Variants in BBS9 observed in about 807,000 individuals in gnomAD.
BBS9 encodes the protein Bardet-Biedl syndrome 9.
A neutral mutation model predicts 117.7 loss-of-function variants in BBS9; 89 were observed. The ratio of observed to expected loss-of-function variants is 0.76; its 90% CI spans 0.64 to 0.90. BBS9 has a LOEUF of 0.90. Among genes scored for constraint, BBS9 ranks in the 40% least tolerant of loss-of-function variants. The probability of loss-of-function intolerance (pLI) is 0.00; values close to 1 mark genes in which losing one functional copy is unlikely to be tolerated. For synonymous variants in BBS9, 379 were observed against 370.9 expected, an observed-to-expected ratio of 1.02 and a Z score of -0.25; for missense variants, 982 against 1,042.2, an observed-to-expected ratio of 0.94 and a Z score of 0.80.
rs1554333529 is a variant in BBS9, at chr7:33,184,097, C to CACAG, written c.442+6507_442+6508insCAGA. On this transcript the variant is annotated intron_variant, in intron 5 of 22. Coordinates refer to ENST00000242067, the MANE Select transcript of BBS9 (RefSeq NM_198428.3). ...ACCACACCTATAAGCAGTTTGCACA[C>CACAG]AGAGAGAGAGAGAGAGAGAGAGAGT... Among the ~76,000 whole-genome samples, 17 of 149,454 alleles carry CACAG rather than the reference C, an allele frequency of 1.1e-4. 1 individual carries two copies. Among genetic ancestry groups the CACAG allele is most frequent in the Admixed American group, 1.3e-4 (2 of 14,946 alleles).
intron 20 of BBS9, among the ~76,000 whole-genome samples, chr7:33,509,676 G>A (rs915731452): frequency 3.3e-5 from 5 of 152,122 alleles, no homozygotes; most frequent in Admixed American, 3.3e-4. Context: ...TTTTGTTTAT[G>A]TTTCAGACAG....
At chr7:33,198,101 T>A (rs1785230339) in intron 5 of BBS9, among the ~76,000 whole-genome samples, 1 of 152,130 alleles carries the variant, frequency 6.6e-6, no homozygotes, top group East Asian at 1.9e-4. Context: ...AGCTGGATTT[T>A]AAAATCAAAT....
intron 21 of BBS9, among the ~76,000 whole-genome samples, chr7:33,617,325 A>G (rs1400757893): frequency 6.6e-6 from 1 of 152,138 alleles, no homozygotes; most frequent in Non-Finnish European, 1.5e-5. Context: ...AGAAAGCAGA[A>G]GTCAATGTAT....
At chr7:33,385,167 T>G (rs1825790016) in intron 18 of BBS9, among the ~76,000 whole-genome samples, 1 of 152,212 alleles carries the variant, frequency 6.6e-6, no homozygotes, top group Non-Finnish European at 1.5e-5. Flanking sequence ...ACTAATAAGT[T>G]TGACATATAA....
At chr7:33,166,464 G>A (rs1429675045) in intron 4 of BBS9, among the ~76,000 whole-genome samples, 1 of 152,280 alleles carries the variant, frequency 6.6e-6, no homozygotes, top group Non-Finnish European at 1.5e-5. Context: ...TGCCTCCAGA[G>A]GTGGAGTCTA....
intron 7 of BBS9, 97 bp downstream of exon 7, chr7:33,264,471 T>C (rs1390357428): frequency 1.3e-6 from 1 of 746,646 alleles, no homozygotes; most frequent in East Asian, 3.0e-5. Context: ...TGTAAAAAAA[T>C]ATGTCAGCCA....
At chr7:33,418,966 T>C (rs192749544) in intron 19 of BBS9, among the ~76,000 whole-genome samples, 1 of 152,316 alleles carries the variant, frequency 6.6e-6, no homozygotes, top group Admixed American at 6.5e-5. Flanking sequence ...TACCTTTCAG[T>C]GTTACTTTTA....
Position 33,409,730 on chromosome 7 carries a change from T to C in BBS9, c.2115+21586T>C, listed in dbSNP as rs531211988. On this transcript the variant is annotated intron_variant, in intron 19 of 22. Transcript: ENST00000242067. ...CTAGTAGGTGTGTAGTGGTAGCTCATTGTGGTTTTATTTTGCATTTTCCTA... is the reference window on the plus strand; with the variant it reads ...CTAGTAGGTGTGTAGTGGTAGCTCACTGTGGTTTTATTTTGCATTTTCCTA... 2.6e-5 allele frequency among the ~76,000 whole-genome samples: 4 copies of C among 152,364 alleles called. No homozygotes were observed. In the South Asian group the frequency reaches 8.3e-4, roughly 32 times the overall value.
At chr7:33,627,580 A>G (rs1444185447) in intron 21 of BBS9, among the ~76,000 whole-genome samples, 1 of 152,220 alleles carries the variant, frequency 6.6e-6, no homozygotes, top group Admixed American at 6.5e-5. Flanking sequence ...CAGCCCGTGA[A>G]AGCAGCCAAG....
chr7:33,506,837 A>G (rs992100540), intron 20 of BBS9, among the ~76,000 whole-genome samples: 3 of 152,222 alleles, frequency 2.0e-5, no homozygotes, highest in Non-Finnish European at 4.4e-5. Flanking sequence ...TGATTGACAA[A>G]ATTGCGACTA....
intron 19 of BBS9, among the ~76,000 whole-genome samples, chr7:33,466,847 G>A (rs1020581885): frequency 6.6e-6 from 1 of 152,118 alleles, no homozygotes; most frequent in Admixed American, 6.6e-5. Flanking sequence ...TTTGTCACAA[G>A]CATGGGTTTA....
At chr7:33,367,894 A>C in intron 17 of BBS9, 32 bp downstream of exon 17, 1 of 1,577,720 alleles carries the variant, frequency 6.3e-7, no homozygotes, top group Non-Finnish European at 8.7e-7. Context: ...TTGCTTTTTA[A>C]ATTTTTTTCT....
intron 5 of BBS9, among the ~76,000 whole-genome samples, chr7:33,255,479 A>G (rs1384600283): frequency 1.4e-4 from 21 of 151,978 alleles, no homozygotes; most frequent in Admixed American, 1.4e-3. Flanking sequence ...CTCTTATACA[A>G]ATATACTCAT....
chr7:33,389,687 T>TAAAAAAAAAAAA (rs5883400), intron 19 of BBS9, among the ~76,000 whole-genome samples: 1 of 91,962 alleles, frequency 1.1e-5, no homozygotes, highest in African/African-American at 4.5e-5. Flanking sequence ...AGACTCCATC[T>TAAAAAAAAAAAA]AAAAAAAAAA....
At chr7:33,533,826 C>T in intron 20 of BBS9, 128 bp from the exon 21 acceptor site, 1 of 1,126,770 alleles carries the variant, frequency 8.9e-7, no homozygotes. Context: ...TGGAATATTC[C>T]AGATACCACA....
intron 5 of BBS9, among the ~76,000 whole-genome samples, chr7:33,201,160 G>A (rs190866842): frequency 6.6e-6 from 1 of 152,110 alleles, no homozygotes; most frequent in Non-Finnish European, 1.5e-5. Flanking sequence ...GACCTGGGTG[G>A]GGAAGGAGGT....
chr7:33,403,316 T>A (rs955625639), intron 19 of BBS9, among the ~76,000 whole-genome samples: 7 of 151,498 alleles, frequency 4.6e-5, no homozygotes, highest in East Asian at 3.9e-4. Flanking sequence ...TATTTTTTTT[T>A]ATTTTATTAT....
At chr7:33,415,654 A>G (rs1831876422) in intron 19 of BBS9, among the ~76,000 whole-genome samples, 1 of 152,076 alleles carries the variant, frequency 6.6e-6, no homozygotes, top group South Asian at 2.1e-4. Flanking sequence ...GCTAAGTTCA[A>G]CCTCCTGCTT....
intron 1 of BBS9, among the ~76,000 whole-genome samples, chr7:33,133,873 T>C (rs934140754): frequency 1.3e-5 from 2 of 152,218 alleles, no homozygotes; most frequent in Non-Finnish European, 2.9e-5. Flanking sequence ...TTAGAGGAAC[T>C]TCTAGATTCC....
Sources: allele counts gnomAD v4.1 joint callset (sites outside exome capture counted in the v4.1 genomes callset), GRCh38; gene constraint gnomAD v4.1.1; transcripts MANE v1.5; gene names NCBI Gene and HGNC (gene_info 2026-07-23, HGNC 2026-07-21).